Variants in AMBRA1 observed in about 807,000 individuals in gnomAD.
AMBRA1 encodes activating molecule in BECN1-regulated autophagy protein 1.
AMBRA1 carries 47 observed loss-of-function variants against 125.4 expected under a neutral mutation model. That is an observed-to-expected ratio of 0.37 (90% CI 0.30 to 0.48). The LOEUF (loss-of-function observed/expected upper bound fraction) is 0.48, where lower values mean the gene tolerates loss of function less well. Ranked by LOEUF, AMBRA1 falls within the 20% of genes least tolerant of loss-of-function variation. The pLI is 0.99. For synonymous variants in AMBRA1, 626 were observed against 655.5 expected, an observed-to-expected ratio of 0.95 and a Z score of 0.69; for missense variants, 1,331 against 1,693.4, an observed-to-expected ratio of 0.79 and a Z score of 3.76.
chr11:46,417,203 C>T (rs778132565), intron 15 of AMBRA1, among the ~76,000 whole-genome samples: 2 of 152,134 alleles, frequency 1.3e-5, no homozygotes, highest in African/African-American at 4.8e-5. Flanking sequence ...AGGCACGTGC[C>T]ACTATGCCCG....
chr11:46,472,665 T>G (rs1363047224), intron 11 of AMBRA1, among the ~76,000 whole-genome samples: 1 of 152,212 alleles, frequency 6.6e-6, no homozygotes, highest in Non-Finnish European at 1.5e-5. Flanking sequence ...CAACATACAT[T>G]TGAATACTAG....
At chr11:46,585,695 A>AAATATATAT (rs1555017410) in intron 1 of AMBRA1, among the ~76,000 whole-genome samples, 2 of 22,912 alleles carry the variant, frequency 8.7e-5, no homozygotes, top group African/African-American at 1.8e-4. Context: ...AAAAAAAAAA[A>AAATATATAT]ATATATATAT....
intron 7 of AMBRA1, among the ~76,000 whole-genome samples, chr11:46,522,267 C>A (rs1951795044): frequency 6.6e-6 from 1 of 152,214 alleles, no homozygotes; most frequent in East Asian, 1.9e-4. Context: ...CTGGTTGGCA[C>A]TATGCTTAGC....
At chr11:46,584,763 C>T (rs1055079402) in intron 1 of AMBRA1, among the ~76,000 whole-genome samples, 1 of 152,080 alleles carries the variant, frequency 6.6e-6, no homozygotes, top group Non-Finnish European at 1.5e-5. Context: ...CATGCACCAC[C>T]ATTTCCAGCT....
At chr11:46,506,402 T>C (rs1951036751) in intron 9 of AMBRA1, among the ~76,000 whole-genome samples, 1 of 152,258 alleles carries the variant, frequency 6.6e-6, no homozygotes, top group African/African-American at 2.4e-5. Context: ...CAAATGCTAG[T>C]AGTGTGTTTA....
intron 7 of AMBRA1, among the ~76,000 whole-genome samples, chr11:46,517,470 G>GTTT (rs768814141): frequency 1.9e-4 from 18 of 96,180 alleles, no homozygotes; most frequent in African/African-American, 3.2e-4. Context: ...TATTAATAAG[G>GTTT]TTTTTTTTTT....
At chr11:46,589,698 C>T (rs1056374945) in intron 1 of AMBRA1, among the ~76,000 whole-genome samples, 1 of 151,976 alleles carries the variant, frequency 6.6e-6, no homozygotes, top group Non-Finnish European at 1.5e-5. Context: ...CGGCTAACTG[C>T]AAGCTCCGCC....
rs1450649537 is a variant in AMBRA1, at chr11:46,543,373, A to C, written c.644T>G (p.Ile215Arg). The change falls in exon 7 of 18, where the codon ATA (isoleucine) becomes AGA (arginine). Residue 215 changes from isoleucine to arginine, a missense_variant. Coordinates refer to ENST00000683756, the MANE Select transcript of AMBRA1 (RefSeq NM_001387011.1). ...QQGDDEPEIP[I>R]DGTELSHYRQ... The stretch of plus-strand genomic sequence containing the variant: ...GTAGTGGGATAATTCTGTTCCATCT[A>C]TGGGGATCTCTGGTTCGTCATCACC... 6.2e-7 allele frequency: 1 copy of C among 1,613,846 alleles called. No individual in the cohort carries two copies. Among genetic ancestry groups the C allele is most frequent in the Non-Finnish European group, 8.5e-7 (1 of 1,179,952 alleles).
chr11:46,478,476 G>A (rs949603075), intron 11 of AMBRA1, among the ~76,000 whole-genome samples: 1 of 151,998 alleles, frequency 6.6e-6, no homozygotes, highest in Non-Finnish European at 1.5e-5. Flanking sequence ...CAGAAATACA[G>A]GGCTATATCC....
chr11:46,537,146 T>TA (rs1952514895), intron 7 of AMBRA1, among the ~76,000 whole-genome samples: 1 of 152,222 alleles, frequency 6.6e-6, no homozygotes, highest in Non-Finnish European at 1.5e-5. Flanking sequence ...AGCATTGTGT[T>TA]AGTTACCATT....
intron 1 of AMBRA1, among the ~76,000 whole-genome samples, chr11:46,558,001 G>A (rs2043209197): frequency 6.6e-6 from 1 of 152,094 alleles, no homozygotes; most frequent in Non-Finnish European, 1.5e-5. Context: ...CATGTGGAGA[G>A]AGAGAAGCCA....
chr11:46,450,477 T>C lies in AMBRA1; in HGVS notation c.2522-6879A>G, dbSNP rs576215733. On this transcript the variant is annotated intron_variant, in intron 11 of 17. Coordinates refer to ENST00000683756, the MANE Select transcript of AMBRA1 (RefSeq NM_001387011.1). ...TTTCTTGAGAGAGGGTCTCACTCCA[T>C]TGCCCAGGCTGGAGTGCAGTGGTGC... 4.6e-5 allele frequency among the ~76,000 whole-genome samples: 7 copies of C among 152,110 alleles called. No homozygotes were observed. In the South Asian group the frequency reaches 1.2e-3, roughly 27 times the overall value.
chr11:46,588,974 C>T (rs774120906), intron 1 of AMBRA1, among the ~76,000 whole-genome samples: 1 of 152,098 alleles, frequency 6.6e-6, no homozygotes, highest in Non-Finnish European at 1.5e-5. Context: ...AAATTAACAT[C>T]TACTCTAAAG....
chr11:46,427,522 CAG>C (rs759558414), intron 14 of AMBRA1, among the ~76,000 whole-genome samples: 11 of 152,240 alleles, frequency 7.2e-5, no homozygotes, highest in African/African-American at 1.4e-4. Flanking sequence ...ACTTAGCGCG[CAG>C]AGTCATCAGG....
At chr11:46,432,265 C>T (rs975889459) in intron 14 of AMBRA1, among the ~76,000 whole-genome samples, 5 of 152,184 alleles carry the variant, frequency 3.3e-5, no homozygotes, top group South Asian at 2.1e-4. Flanking sequence ...GCACAAGGAA[C>T]GAGTGATCAA....
At chr11:46,531,067 G>T (rs1457284538) in intron 7 of AMBRA1, among the ~76,000 whole-genome samples, 2 of 152,078 alleles carry the variant, frequency 1.3e-5, no homozygotes, top group African/African-American at 4.8e-5. Flanking sequence ...ATTTTTAGTG[G>T]AGATGTGGTT....
At chr11:46,447,599 G>A (rs993693985) in intron 11 of AMBRA1, among the ~76,000 whole-genome samples, 1 of 152,082 alleles carries the variant, frequency 6.6e-6, no homozygotes, top group Non-Finnish European at 1.5e-5. Context: ...TGTAGTCCCA[G>A]CTACCCAGGA....
In AMBRA1 at chr11:46,578,178, A is replaced by T. The variant is rs2044027358; in HGVS notation, c.-121+15650T>A. Among the ~76,000 whole-genome samples the T allele has an allele frequency of 2.6e-5, 4 of 152,042 alleles. No homozygotes were observed. In the South Asian group the frequency reaches 8.3e-4, roughly 32 times the overall value. The stretch of plus-strand genomic sequence containing the variant: ...AATGTCCATATAAGCATTTCCCAGG[A>T]AAGTTACCATATAAAATTCCAGGTA... On this transcript the variant is annotated intron_variant, in intron 1 of 17. Transcript: ENST00000683756.
chr11:46,410,688 G>C (rs1049177759), intron 15 of AMBRA1, among the ~76,000 whole-genome samples: 4 of 152,256 alleles, frequency 2.6e-5, no homozygotes, highest in African/African-American at 9.6e-5. Context: ...AGTGGGTCCT[G>C]AGTATTCTTC....
Sources: gnomAD v4.1 joint callset for allele counts (sites outside exome capture counted in the v4.1 genomes callset) on GRCh38, gnomAD v4.1.1 for gene constraint, MANE v1.5 for transcripts, NCBI Gene and HGNC (gene_info 2026-07-23, HGNC 2026-07-21) for gene names.